Variants in EFCAB5 observed in about 807,000 individuals in gnomAD.
The protein encoded by EFCAB5 is EF-hand calcium binding domain 5.
A neutral mutation model predicts 167.9 loss-of-function variants in EFCAB5; 131 were observed. That is an observed-to-expected ratio of 0.78 (90% CI 0.68 to 0.90). The LOEUF (loss-of-function observed/expected upper bound fraction) is 0.90, where lower values mean the gene tolerates loss of function less well. Among genes scored for constraint, EFCAB5 ranks in the 40% least tolerant of loss-of-function variants. The pLI is 0.00. For synonymous variants in EFCAB5, 574 were observed against 602.8 expected, an observed-to-expected ratio of 0.95 and a Z score of 0.70; for missense variants, 1,663 against 1,745.2, an observed-to-expected ratio of 0.95 and a Z score of 0.84.
intron 3 of EFCAB5, among the ~76,000 whole-genome samples, chr17:29,944,055 G>A (rs913976163): frequency 1.3e-5 from 2 of 152,116 alleles, no homozygotes; most frequent in East Asian, 1.9e-4. Context: ...GCATTTTAAA[G>A]ATATAATTTC....
chr17:29,943,359 A>C (rs1245372249), intron 2 of EFCAB5, among the ~76,000 whole-genome samples: 1 of 152,220 alleles, frequency 6.6e-6, no homozygotes, highest in African/African-American at 2.4e-5. Flanking sequence ...ATTTTGAACC[A>C]ACACATTTTA....
chr17:30,083,750 G>A (rs959514618), intron 18 of EFCAB5, among the ~76,000 whole-genome samples: 3 of 152,250 alleles, frequency 2.0e-5, no homozygotes, highest in Middle Eastern at 3.4e-3. Context: ...CACAGTGCCC[G>A]GCCAGAAAAC....
At chr17:29,936,173 G>A (rs1192900250) in intron 1 of EFCAB5, among the ~76,000 whole-genome samples, 2 of 152,098 alleles carry the variant, frequency 1.3e-5, no homozygotes, top group Admixed American at 1.3e-4. Flanking sequence ...GGATGAAGCT[G>A]GAAACCATCA....
chr17:30,031,339 A>G (rs574712048), intron 7 of EFCAB5, among the ~76,000 whole-genome samples: 1 of 152,238 alleles, frequency 6.6e-6, no homozygotes, highest in Non-Finnish European at 1.5e-5. Context: ...AGTTCTGACA[A>G]GTTCTCAGAT....
At chr17:29,963,313 CT>C (rs766973079) in intron 3 of EFCAB5, among the ~76,000 whole-genome samples, 6 of 152,130 alleles carry the variant, frequency 3.9e-5, no homozygotes, top group African/African-American at 9.7e-5. Context: ...GATTATGTGG[CT>C]TTTTTCCCCT....
chr17:30,080,566 T>C lies in EFCAB5; in HGVS notation c.3198-187T>C, dbSNP rs528902826. On this transcript the variant is annotated intron_variant, in intron 16 of 22. Coordinates refer to ENST00000394835, the MANE Select transcript of EFCAB5 (RefSeq NM_198529.4). ...TCCAAGCTTGTTTTTTTTTTTTTTG[T>C]TTGTTTGTTTTGTTTTTGTTTTAGT... Among the ~76,000 whole-genome samples, 1,045 of 151,008 alleles carry C rather than the reference T, an allele frequency of 6.9e-3. 6 individuals are homozygous for C. The highest frequency in any genetic ancestry group is 0.024 in the African/African-American group (1,005 of 41,206).
intron 3 of EFCAB5, among the ~76,000 whole-genome samples, chr17:29,959,237 G>C (rs765529058): frequency 6.6e-6 from 1 of 152,086 alleles, no homozygotes; most frequent in Non-Finnish European, 1.5e-5. Context: ...TCAGGGCAAC[G>C]AGTTCCTTTC....
At chr17:29,943,438 A>C in intron 2 of EFCAB5, 127 bp from the exon 3 acceptor site, 1 of 731,658 alleles carries the variant, frequency 1.4e-6, no homozygotes, top group Admixed American at 3.0e-5. Context: ...GATCCCAGAA[A>C]AATTAACTAG....
At chr17:30,106,150 T>A (rs893893002) in intron 22 of EFCAB5, among the ~76,000 whole-genome samples, 3 of 151,618 alleles carry the variant, frequency 2.0e-5, no homozygotes, top group African/African-American at 7.3e-5. Flanking sequence ...AAAAGCCAGG[T>A]GCAGTGGCTC....
In EFCAB5 at chr17:30,082,390, C is replaced by CTTTTT. The variant is rs71138871; in HGVS notation, c.3427-483_3427-479dup. Among the ~76,000 whole-genome samples the CTTTTT allele has an allele frequency of 3.6e-3, 351 of 98,148 alleles. 1 individual carries two copies. Among genetic ancestry groups the CTTTTT allele is most frequent in the Middle Eastern group, 7.2e-3 (1 of 138 alleles). 64.4% of individuals were successfully genotyped at this position (98,148 alleles called of 152,430 possible). On this transcript the variant is annotated intron_variant, in intron 17 of 22. Transcript: ENST00000394835. ...TATGTGGGTCTCTCTCTTTATACCTCTTTTTTTTTTTTTTTTTTTTTTGTG... is the reference window on the plus strand; with the variant it reads ...TATGTGGGTCTCTCTCTTTATACCTCTTTTTTTTTTTTTTTTTTTTTTTTTTTGTG...
chr17:30,008,769 A>C (rs2068830132), intron 7 of EFCAB5, among the ~76,000 whole-genome samples: 1 of 152,174 alleles, frequency 6.6e-6, no homozygotes, highest in African/African-American at 2.4e-5. Flanking sequence ...CTTTATTCAG[A>C]TATAATTTAC....
chr17:29,952,542 C>T (rs573081839), intron 3 of EFCAB5, among the ~76,000 whole-genome samples: 1 of 152,228 alleles, frequency 6.6e-6, no homozygotes, highest in South Asian at 2.1e-4. Flanking sequence ...CATTACAATA[C>T]AGTTATATCA....
intron 4 of EFCAB5, among the ~76,000 whole-genome samples, chr17:29,980,793 C>T (rs1187538744): frequency 6.6e-6 from 1 of 152,186 alleles, no homozygotes; most frequent in Non-Finnish European, 1.5e-5. Context: ...CTTCTTTGAG[C>T]TCTATCCCAG....
intron 14 of EFCAB5, among the ~76,000 whole-genome samples, chr17:30,064,452 T>C (rs1296987392): frequency 6.6e-6 from 1 of 152,062 alleles, no homozygotes; most frequent in Non-Finnish European, 1.5e-5. Flanking sequence ...AGATAGGCCA[T>C]TTAAAATTAC....
intron 7 of EFCAB5, among the ~76,000 whole-genome samples, chr17:30,011,382 A>C (rs2068896468): frequency 6.6e-6 from 1 of 152,052 alleles, no homozygotes; most frequent in Non-Finnish European, 1.5e-5. Context: ...CTGAATCTAT[A>C]AATTACCTTG....
chr17:29,959,315 A>G (rs1243291452), intron 3 of EFCAB5, among the ~76,000 whole-genome samples: 1 of 152,016 alleles, frequency 6.6e-6, no homozygotes, highest in Non-Finnish European at 1.5e-5. Flanking sequence ...TTAGAAATCT[A>G]CTTGGTGTTT....
chr17:30,068,936 T>C, intron 14 of EFCAB5: 1 of 1,542,964 alleles, frequency 6.5e-7, no homozygotes, highest in Non-Finnish European at 9.0e-7. Flanking sequence ...GTCCAGATAT[T>C]CATGAGGACC....
chr17:30,100,873 A>T (rs558740709), intron 22 of EFCAB5, among the ~76,000 whole-genome samples: 1 of 152,358 alleles, frequency 6.6e-6, no homozygotes, highest in South Asian at 2.1e-4. Context: ...TTTTATCCTA[A>T]GAAAAGAAAA....
intron 14 of EFCAB5, among the ~76,000 whole-genome samples, chr17:30,062,993 G>T (rs1186532874): frequency 1.3e-5 from 2 of 152,132 alleles, no homozygotes; most frequent in Non-Finnish European, 2.9e-5. Context: ...TCTGGGAATT[G>T]GTACCCTGGC....
Sources: allele counts gnomAD v4.1 joint callset (sites outside exome capture counted in the v4.1 genomes callset), GRCh38; gene constraint gnomAD v4.1.1; transcripts MANE v1.5; gene names NCBI Gene and HGNC (gene_info 2026-07-23, HGNC 2026-07-21).